Variants in KIF15 observed in about 807,000 individuals in gnomAD.
KIF15 encodes the protein kinesin-like protein KIF15.
KIF15 carries 140 observed loss-of-function variants against 190.6 expected under a neutral mutation model. The observed-to-expected ratio is 0.73, with a 90% CI of 0.64 to 0.84. The LOEUF (loss-of-function observed/expected upper bound fraction) is 0.84, where lower values mean the gene tolerates loss of function less well. KIF15 is among the 40% of genes least tolerant of loss of function. KIF15 has a pLI of 0.00. For synonymous variants in KIF15, 528 were observed against 551.3 expected, an observed-to-expected ratio of 0.96 and a Z score of 0.59; for missense variants, 1,372 against 1,584.4, an observed-to-expected ratio of 0.87 and a Z score of 2.28.
intron 32 of KIF15, among the ~76,000 whole-genome samples, chr3:44,850,917 T>C (rs1432759145): frequency 6.6e-6 from 1 of 152,176 alleles, no homozygotes; most frequent in Non-Finnish European, 1.5e-5. Flanking sequence ...CCTTGAATGG[T>C]GTAATAATAC....
chr3:44,781,374 C>T (rs910768709), intron 5 of KIF15, among the ~76,000 whole-genome samples: 7 of 152,048 alleles, frequency 4.6e-5, no homozygotes, highest in South Asian at 2.1e-4. Context: ...TAAGTTTCTG[C>T]GATTCACTCA....
At chr3:44,866,007 C>T (rs1301960829) in intron 6 of KIF15, among the ~76,000 whole-genome samples, 1 of 151,758 alleles carries the variant, frequency 6.6e-6, no homozygotes, top group Non-Finnish European at 1.5e-5. Flanking sequence ...CTTTAGGGCT[C>T]TTCTGTCATT....
intron 6 of KIF15, chr3:44,861,814 T>G (rs1335877779): frequency 5.6e-6 from 7 of 1,253,806 alleles, no homozygotes; most frequent in Non-Finnish European, 6.6e-6. Context: ...CCAAGGGGCC[T>G]GCCGGAGCGT....
At chr3:44,825,196 A>AC (rs1697575131) in intron 20 of KIF15, among the ~76,000 whole-genome samples, 1 of 152,200 alleles carries the variant, frequency 6.6e-6, no homozygotes, top group South Asian at 2.1e-4. Flanking sequence ...AAACAGCATG[A>AC]CACTGCCATG....
intron 20 of KIF15, among the ~76,000 whole-genome samples, chr3:44,824,964 T>TTTCA (rs1697563203): frequency 6.6e-6 from 1 of 152,152 alleles, no homozygotes; most frequent in Admixed American, 6.5e-5. Context: ...TTCGCCATGT[T>TTTCA]GTCCAGGCTG....
intron 6 of KIF15, among the ~76,000 whole-genome samples, chr3:44,860,752 C>G (rs149924842): frequency 1.3e-5 from 2 of 152,222 alleles, no homozygotes; most frequent in East Asian, 1.9e-4. Context: ...TAAAAACTTG[C>G]TAAACAGAAG....
intron 22 of KIF15, chr3:44,827,054 C>T (rs1410249509): frequency 2.2e-6 from 1 of 456,338 alleles, no homozygotes; most frequent in African/African-American, 2.0e-5. Flanking sequence ...AAGCAATTGA[C>T]ATTTACTCAT....
At chr3:44,864,377 A>G (rs1170140780) in intron 6 of KIF15, 2 of 1,613,020 alleles carry the variant, frequency 1.2e-6, no homozygotes, top group African/African-American at 2.7e-5. Context: ...CTCTTGTCCT[A>G]AATCTGGGTT....
At chr3:44,858,148 A>G (rs1699206863), downstream of KIF15, among the ~76,000 whole-genome samples, 2 of 152,198 alleles carry the variant, frequency 1.3e-5, no homozygotes, top group East Asian at 3.9e-4. Context: ...GGAATAGTGA[A>G]AAAAGCATCT....
At position 44,761,901 on chromosome 3, in the gene KIF15, G is replaced by T; in HGVS notation, c.19+17G>T. The T allele has an allele frequency of 6.2e-7, 1 of 1,614,170 alleles. No individual in the cohort carries two copies. The stretch of plus-strand genomic sequence containing the variant: ...GCTGCAAAAGTAAGTCTGGGCCCCC[G>T]GCTTCGTTACCCTATTTTTGCCCCC... On this transcript the variant is annotated intron_variant, in intron 1 of 34. Coordinates refer to ENST00000326047, the MANE Select transcript of KIF15 (RefSeq NM_020242.3).
intron 14 of KIF15, 142 bp from the exon 15 acceptor site, chr3:44,804,885 G>A (rs1444378629): frequency 1.3e-6 from 1 of 744,604 alleles, no homozygotes; most frequent in Non-Finnish European, 2.1e-6. Flanking sequence ...AAAGCAGGGG[G>A]TTCACTTGAG....
In KIF15 at chr3:44,829,995, C is replaced by T; in HGVS notation, c.2968C>T (p.Gln990Ter). ...DKKVVADLMNQIQELRTSVCE... is the reference protein window; with the variant it reads ...DKKVVADLMN ...GAAAGTTGTAGCTGACCTCATGAAC[C>T]AGATCCAGGAGCTAAGAACATCGGT... The change falls in exon 25 of 35, where the codon CAG becomes TAG. Residue 990 changes from glutamine (Q) to a stop codon, truncating the protein, a stop_gained. Coordinates refer to ENST00000326047, the MANE Select transcript of KIF15 (RefSeq NM_020242.3). LOFTEE classifies it high-confidence loss of function. The T allele has an allele frequency of 6.3e-7, 1 of 1,589,506 alleles. No individual in the cohort carries two copies. The highest frequency in any genetic ancestry group is 8.5e-7 in the Non-Finnish European group (1 of 1,169,764).
At position 44,777,815 on chromosome 3, in the gene KIF15, T is replaced by C. The variant is rs542321074; in HGVS notation, c.247-300T>C. Among the ~76,000 whole-genome samples the C allele has an allele frequency of 4.6e-5, 7 of 152,168 alleles. No individual in the cohort carries two copies. In the East Asian group the frequency reaches 1.4e-3, roughly 29 times the overall value. ...GTTCAGTGCAAACTTATGAGAAAAA[T>C]CACTGAAGAAGATGTACAGCCGTTT... On this transcript the variant is annotated intron_variant, in intron 3 of 34. Coordinates refer to ENST00000326047, the MANE Select transcript of KIF15 (RefSeq NM_020242.3).
At chr3:44,767,339 A>G (rs1164780537) in intron 1 of KIF15, among the ~76,000 whole-genome samples, 2 of 152,232 alleles carry the variant, frequency 1.3e-5, no homozygotes, top group Admixed American at 1.3e-4. Context: ...GGATTTGGCA[A>G]GAAGTTGTTG....
rs1330649458 is a variant in KIF15 at position 44,841,061 on chromosome 3, G to A, written c.3421-13G>A. The A allele has an allele frequency of 6.3e-7, 1 of 1,594,034 alleles. No homozygotes were observed. The highest frequency in any genetic ancestry group is 8.5e-7 in the Non-Finnish European group (1 of 1,171,716). On this transcript the variant is annotated splice_polypyrimidine_tract_variant and intron_variant, in intron 28 of 34. Transcript: ENST00000326047. ...TTAATTGGATATTTGGATGAGATGT[G>A]ATTTTATTTTAGAGTCCTAAGACAC...
chr3:44,830,289 C>T (rs1698002412), intron 25 of KIF15, among the ~76,000 whole-genome samples: 1 of 152,114 alleles, frequency 6.6e-6, no homozygotes, highest in African/African-American at 2.4e-5. Context: ...ACAATGTAGG[C>T]TGCAGTGTTT....
intron 20 of KIF15, among the ~76,000 whole-genome samples, chr3:44,821,043 C>G (rs1708257860): frequency 7.4e-6 from 1 of 134,558 alleles, no homozygotes; most frequent in African/African-American, 2.9e-5. Flanking sequence ...ACCCCCCCAC[C>G]TCCCTCCCGG....
intron 3 of KIF15, among the ~76,000 whole-genome samples, chr3:44,777,772 A>T (rs879178861): frequency 6.6e-6 from 1 of 152,250 alleles, no homozygotes; most frequent in African/African-American, 2.4e-5. Context: ...AAATGAAAAT[A>T]AAATGGAGGT....
At chr3:44,830,269 T>A (rs147480974) in intron 25 of KIF15, among the ~76,000 whole-genome samples, 194 bp downstream of exon 25, 14 of 152,310 alleles carry the variant, frequency 9.2e-5, no homozygotes, top group Non-Finnish European at 1.9e-4. Flanking sequence ...GTAGTATGTA[T>A]CTCTGGGGGA....
Sources: gnomAD v4.1 joint callset for allele counts (sites outside exome capture counted in the v4.1 genomes callset) on GRCh38, gnomAD v4.1.1 for gene constraint, MANE v1.5 for transcripts, NCBI Gene and HGNC (gene_info 2026-07-23, HGNC 2026-07-21) for gene names.